Variants in SGCZ observed in about 807,000 individuals in gnomAD.
SGCZ encodes the protein sarcoglycan zeta, also known as zeta-sarcoglycan.
In SGCZ, 40 loss-of-function variants were observed where a neutral mutation model predicts 41.3. The ratio of observed to expected loss-of-function variants is 0.97; its 90% CI spans 0.75 to 1.26. The LOEUF (loss-of-function observed/expected upper bound fraction) is 1.26. Ranked by LOEUF, SGCZ falls within the 50% of genes most tolerant of loss-of-function variation. The pLI, the probability that SGCZ is intolerant of heterozygous loss-of-function variation, is 0.00. For missense variants in SGCZ, 552 were observed against 369.8 expected (o/e 1.49, Z -4.04); for synonymous variants, 206 against 137.5 (o/e 1.50, Z -3.49).
In SGCZ at chr8:14,157,746, G is replaced by A. The variant is rs182963021; in HGVS notation, c.547+6834C>T. 4.2e-3 allele frequency among the ~76,000 whole-genome samples: 645 copies of A among 152,172 alleles called. 9 individuals carry two copies. The highest frequency in any genetic ancestry group is 7.7e-3 in the Non-Finnish European group (526 of 68,000). On this transcript the variant is annotated intron_variant, in intron 5 of 7. Coordinates refer to ENST00000382080, the MANE Select transcript of SGCZ (RefSeq NM_139167.4). ...CTTCTAGAGAAAATGTAAAAAGAGG[G>A]ATAGAAGAAGGTGGGTAAGTAATAC...
intron 3 of SGCZ, among the ~76,000 whole-genome samples, chr8:14,312,595 A>G (rs1801584870): frequency 6.6e-6 from 1 of 152,054 alleles, no homozygotes; most frequent in South Asian, 2.1e-4. Context: ...TAGCCACTGC[A>G]CTCTAGCCTA....
intron 1 of SGCZ, among the ~76,000 whole-genome samples, chr8:14,938,686 T>G (rs565166635): frequency 1.3e-5 from 2 of 152,204 alleles, no homozygotes; most frequent in East Asian, 1.9e-4. Flanking sequence ...AAGAAGGAAA[T>G]AATACCTTTT....
chr8:14,689,877 G>A (rs962184118), intron 1 of SGCZ, among the ~76,000 whole-genome samples: 1 of 152,178 alleles, frequency 6.6e-6, no homozygotes, highest in African/African-American at 2.4e-5. Context: ...GGAGAAAAAT[G>A]GGCGGAGACT....
At chr8:14,884,464 T>C (rs79807395) in intron 1 of SGCZ, among the ~76,000 whole-genome samples, 225 of 152,186 alleles carry the variant, frequency 1.5e-3, no homozygotes, top group African/African-American at 5.2e-3. Flanking sequence ...TTCTTAGACA[T>C]TGCCCTTCTT....
chr8:15,054,682 C>T (rs958072658), intron 1 of SGCZ, among the ~76,000 whole-genome samples: 2 of 151,954 alleles, frequency 1.3e-5, no homozygotes, highest in African/African-American at 4.8e-5. Flanking sequence ...TAGCCGGGCG[C>T]AGTGGCTCAC....
At chr8:14,921,886 G>T (rs983306763) in intron 1 of SGCZ, among the ~76,000 whole-genome samples, 3 of 152,080 alleles carry the variant, frequency 2.0e-5, no homozygotes, top group Non-Finnish European at 4.4e-5. Flanking sequence ...AAAGTGAAAT[G>T]GTGTTAAGCA....
At chr8:14,984,047 G>A (rs758932794) in intron 1 of SGCZ, among the ~76,000 whole-genome samples, 2 of 152,158 alleles carry the variant, frequency 1.3e-5, no homozygotes, top group Admixed American at 6.6e-5. Context: ...TAGCTGAATG[G>A]CAGTGATTCA....
At chr8:14,509,530 C>T (rs1277120327) in intron 2 of SGCZ, among the ~76,000 whole-genome samples, 1 of 152,108 alleles carries the variant, frequency 6.6e-6, no homozygotes, top group African/African-American at 2.4e-5. Context: ...CACTGCTACA[C>T]ACAACAGTCA....
chr8:14,422,830 C>T (rs1045723039), intron 2 of SGCZ, among the ~76,000 whole-genome samples: 2 of 152,116 alleles, frequency 1.3e-5, no homozygotes, highest in Non-Finnish European at 2.9e-5. Context: ...AATCTGAGAC[C>T]AGCCTGGGCA....
chr8:14,776,925 G>A (rs980377782), intron 1 of SGCZ, among the ~76,000 whole-genome samples: 1 of 152,186 alleles, frequency 6.6e-6, no homozygotes, highest in African/African-American at 2.4e-5. Context: ...ATCCCTTGAT[G>A]TATACCATGG....
chr8:14,736,640 G>A (rs1007530764), intron 1 of SGCZ, among the ~76,000 whole-genome samples: 2 of 151,676 alleles, frequency 1.3e-5, no homozygotes, highest in African/African-American at 2.4e-5. Flanking sequence ...CCACTTTCCC[G>A]CTCAAGTCCC....
At chr8:15,075,309 C>A (rs1040585322) in intron 1 of SGCZ, among the ~76,000 whole-genome samples, 4 of 152,120 alleles carry the variant, frequency 2.6e-5, no homozygotes, top group African/African-American at 9.6e-5. Context: ...TAGAGTGAAT[C>A]TAAATAATTT....
intron 1 of SGCZ, among the ~76,000 whole-genome samples, chr8:14,556,497 T>C (rs1048259733): frequency 6.6e-6 from 1 of 152,010 alleles, no homozygotes; most frequent in African/African-American, 2.4e-5. Flanking sequence ...CATGAGTAAG[T>C]TCTTTAGTGG....
At chr8:14,958,543 A>G (rs1237277388) in intron 1 of SGCZ, among the ~76,000 whole-genome samples, 4 of 152,074 alleles carry the variant, frequency 2.6e-5, no homozygotes, top group Non-Finnish European at 4.4e-5. Flanking sequence ...TTGTGGTGAA[A>G]AAAATGAGAA....
At chr8:14,189,019 CTT>C in intron 4 of SGCZ, among the ~76,000 whole-genome samples, 1 of 142,422 alleles carries the variant, frequency 7.0e-6, no homozygotes. Context: ...CCACGCCCAG[CTT>C]TTTTTTTTTG....
At chr8:14,235,427 G>C (rs527497522) in intron 4 of SGCZ, among the ~76,000 whole-genome samples, 1 of 152,262 alleles carries the variant, frequency 6.6e-6, no homozygotes, top group South Asian at 2.1e-4. Context: ...TTAAAACTCA[G>C]CTTAACATTT....
chr8:14,476,967 A>G (rs1801380070), intron 2 of SGCZ, among the ~76,000 whole-genome samples: 1 of 152,164 alleles, frequency 6.6e-6, no homozygotes, highest in Non-Finnish European at 1.5e-5. Flanking sequence ...CTGTAACCAT[A>G]CTTGCTATCC....
chr8:14,628,949 C>G (rs1477024903), intron 1 of SGCZ, among the ~76,000 whole-genome samples: 1 of 152,096 alleles, frequency 6.6e-6, no homozygotes. Context: ...GTGATTCACC[C>G]CATTTCTGAG....
chr8:14,806,250 T>G (rs201941598), intron 1 of SGCZ, among the ~76,000 whole-genome samples: 1 of 149,948 alleles, frequency 6.7e-6, no homozygotes, highest in African/African-American at 2.5e-5. Context: ...CTGAAGGAAA[T>G]AGAGACATAA....
Sources: allele counts gnomAD v4.1 joint callset (sites outside exome capture counted in the v4.1 genomes callset), GRCh38; gene constraint gnomAD v4.1.1; transcripts MANE v1.5; gene names NCBI Gene and HGNC (gene_info 2026-07-23, HGNC 2026-07-21).